Variants in NPAT observed in about 807,000 individuals in gnomAD.
NPAT encodes protein NPAT.
NPAT carries 52 observed loss-of-function variants against 130.7 expected under a neutral mutation model. The observed-to-expected ratio is 0.40, with a 90% confidence interval of 0.32 to 0.50. The LOEUF is 0.50. Ranked by LOEUF, NPAT falls within the 20% of genes least tolerant of loss-of-function variation. The pLI is 0.68. For missense variants in NPAT, 1,687 were observed against 1,662.6 expected, an observed-to-expected ratio of 1.01 and a Z score of -0.26; for synonymous variants, 580 against 584.8, an observed-to-expected ratio of 0.99 and a Z score of 0.12.
chr11:108,158,554 T>C lies in NPAT; in HGVS notation c.*388A>G. On this transcript the variant is annotated 3_prime_UTR_variant, in exon 18 of 18. Transcript: ENST00000278612. ...AAGCATCATTTTCCTCCAAAACAAGTGAGAAACTATTCCAGATGAGTAAGT... is the reference window on the plus strand; with the variant it reads ...AAGCATCATTTTCCTCCAAAACAAGCGAGAAACTATTCCAGATGAGTAAGT... The C allele has an allele frequency of 6.0e-6, 1 of 165,706 alleles. No individual in the cohort carries two copies. Among genetic ancestry groups the C allele is most frequent in the South Asian group, 1.6e-4 (1 of 6,228 alleles). The allele number at this position is 165,706 out of a possible 1,614,324, so 10.3% of individuals were successfully genotyped here. A position where few individuals can be genotyped will look rare whatever the true frequency, so the allele number is the denominator to read the frequency against.
chr11:108,182,166 G>T (rs1164957527), intron 10 of NPAT, among the ~76,000 whole-genome samples: 3 of 152,190 alleles, frequency 2.0e-5, no homozygotes, highest in Admixed American at 2.0e-4. Context: ...TTAAAGGGCA[G>T]CACTACCAGG....
intron 5 of NPAT, among the ~76,000 whole-genome samples, chr11:108,189,958 G>A (rs1484829564): frequency 6.6e-6 from 1 of 151,704 alleles, no homozygotes; most frequent in East Asian, 1.9e-4. Flanking sequence ...AATGTAGGGA[G>A]TATTTACAAA....
intron 1 of NPAT, among the ~76,000 whole-genome samples, chr11:108,217,877 C>T (rs1261457341): frequency 1.3e-5 from 2 of 152,100 alleles, no homozygotes; most frequent in African/African-American, 4.8e-5. Flanking sequence ...CCTGTAATCC[C>T]AGCTACTTCA....
At chr11:108,197,242 G>C in intron 2 of NPAT, 60 bp downstream of exon 2, 8 of 1,159,316 alleles carry the variant, frequency 6.9e-6, no homozygotes, top group Non-Finnish European at 1.0e-5. Context: ...CTGATTTTAT[G>C]ACTATGTTTT....
rs2078233303 is a variant in NPAT at position 108,197,380 on chromosome 11, A to T, written c.78T>A (p.Thr26=). 2 of 1,613,178 alleles carry T rather than the reference A, an allele frequency of 1.2e-6. No homozygotes were observed. The highest frequency in any genetic ancestry group is 1.3e-5 in the African/African-American group (1 of 74,914). Residue 26 remains threonine, a synonymous_variant, in exon 2 of 18, where the codon ACT becomes ACA. Transcript: ENST00000278612. ...TTAAATCTGAACTTTCCAAAATAAA[A>T]GTCTGGCAGGTAGAAATGAGGTTTT... ...QQENLISTCQ[T]FILESSDLKE...
chr11:108,218,358 G>T (rs1164393366), intron 1 of NPAT, among the ~76,000 whole-genome samples: 1 of 152,090 alleles, frequency 6.6e-6, no homozygotes, highest in Non-Finnish European at 1.5e-5. Context: ...TGTAGAGAGG[G>T]AAAGATAAAA....
chr11:108,209,028 C>A (rs1169990464), intron 1 of NPAT, among the ~76,000 whole-genome samples: 2 of 152,124 alleles, frequency 1.3e-5, no homozygotes, highest in East Asian at 3.9e-4. Flanking sequence ...GCCTGTAATC[C>A]CAGCACGTTG....
Position 108,194,944 on chromosome 11 carries a change from C to T in NPAT, c.157-927G>A, listed in dbSNP as rs188428658. ...GTTCAAGCGATTCTCCTGTCTCAGC[C>T]TCCCGAGTAGCTGGGACTACAGGCG... On this transcript the variant is annotated intron_variant, in intron 2 of 17. Coordinates refer to ENST00000278612, the MANE Select transcript of NPAT (RefSeq NM_002519.3). 2.6e-3 allele frequency among the ~76,000 whole-genome samples: 403 copies of T among 152,298 alleles called. 3 individuals are homozygous for T. Among genetic ancestry groups the T allele is most frequent in the African/African-American group, 9.4e-3 (390 of 41,572 alleles).
At chr11:108,218,267 A>G (rs2078452255) in intron 1 of NPAT, among the ~76,000 whole-genome samples, 1 of 152,198 alleles carries the variant, frequency 6.6e-6, no homozygotes, top group Non-Finnish European at 1.5e-5. Context: ...TGAGTAACTA[A>G]ATGAATTGAA....
chr11:108,206,160 T>C (rs1026849819), intron 1 of NPAT, among the ~76,000 whole-genome samples: 2 of 152,242 alleles, frequency 1.3e-5, no homozygotes, highest in Non-Finnish European at 2.9e-5. Flanking sequence ...GGGCATATAA[T>C]GTATGAAGGT....
chr11:108,183,161 T>A lies in NPAT; in HGVS notation c.906+2071A>T, dbSNP rs182591009. ...ACACCTGGCTAATTAAAAAAAAAAT[T>A]TTTTTTGTATAGATGAGGTCTCATT... On this transcript the variant is annotated intron_variant, in intron 10 of 17. Coordinates refer to ENST00000278612, the MANE Select transcript of NPAT (RefSeq NM_002519.3). Among the ~76,000 whole-genome samples the A allele has an allele frequency of 5.8e-4, 88 of 151,386 alleles. 1 individual carries two copies. In the East Asian group the frequency reaches 0.013, roughly 22 times the overall value.
At chr11:108,160,533 C>T (rs564852874) in intron 17 of NPAT, among the ~76,000 whole-genome samples, 1 of 151,512 alleles carries the variant, frequency 6.6e-6, no homozygotes, top group South Asian at 2.1e-4. Flanking sequence ...CATGAAAAAA[C>T]TTGAGTTCTA....
At chr11:108,222,152 G>A (rs1428382207) in intron 1 of NPAT, among the ~76,000 whole-genome samples, 1 of 152,158 alleles carries the variant, frequency 6.6e-6, no homozygotes, top group East Asian at 1.9e-4. Flanking sequence ...TTGCGCCCAA[G>A]GTTGAAGCAC....
chr11:108,179,903 A>C (rs2078043775), intron 10 of NPAT, among the ~76,000 whole-genome samples: 1 of 152,230 alleles, frequency 6.6e-6, no homozygotes, highest in South Asian at 2.1e-4. Context: ...CAAAAGCAAA[A>C]ATAGACAAAT....
Position 108,159,036 on chromosome 11 carries a change from A to G in NPAT, c.4207-17T>C, listed in dbSNP as rs1195989898. The G allele has an allele frequency of 3.8e-6, 6 of 1,568,330 alleles. No individual in the cohort carries two copies. Among genetic ancestry groups the G allele is most frequent in the Non-Finnish European group, 5.2e-6 (6 of 1,146,180 alleles). On this transcript the variant is annotated splice_polypyrimidine_tract_variant and intron_variant, in intron 17 of 17. Coordinates refer to ENST00000278612, the MANE Select transcript of NPAT (RefSeq NM_002519.3). ...CTTCTTTTTCTGTTGAAAAAGAGAA[A>G]GAAAAAATAAACTCAAAACAAGGCC...
At chr11:108,195,058 G>C (rs890117301) in intron 2 of NPAT, among the ~76,000 whole-genome samples, 1 of 151,992 alleles carries the variant, frequency 6.6e-6, no homozygotes, top group African/African-American at 2.4e-5. Flanking sequence ...TCTTGACCTC[G>C]CTATCCACTC....
intron 2 of NPAT, among the ~76,000 whole-genome samples, chr11:108,195,189 C>T (rs1236257278): frequency 1.3e-5 from 2 of 152,138 alleles, no homozygotes; most frequent in Non-Finnish European, 2.9e-5. Flanking sequence ...ACAAGTTTTC[C>T]AATTGATTTG....
rs552739941 is a variant in NPAT at position 108,209,499 on chromosome 11, C to T, written c.38-12079G>A. ...TTCAGGAGTTCAAGGCTGTAGTGAA[C>T]TATGATCGCGCCACTGCACTCTAGC... On this transcript the variant is annotated intron_variant, in intron 1 of 17. Coordinates refer to ENST00000278612, the MANE Select transcript of NPAT (RefSeq NM_002519.3). Among the ~76,000 whole-genome samples, 7 of 152,212 alleles carry T rather than the reference C, an allele frequency of 4.6e-5. No individual in the cohort carries two copies. The East Asian group carries it at 1.4e-3, about 29-fold the overall frequency.
At chr11:108,214,358 A>G (rs998962862) in intron 1 of NPAT, among the ~76,000 whole-genome samples, 2 of 152,246 alleles carry the variant, frequency 1.3e-5, no homozygotes, top group African/African-American at 4.8e-5. Context: ...ACAAAAAGCG[A>G]AATATTCTAT....
Sources: gnomAD v4.1 joint callset for allele counts (sites outside exome capture counted in the v4.1 genomes callset) on GRCh38, gnomAD v4.1.1 for gene constraint, MANE v1.5 for transcripts, NCBI Gene and HGNC (gene_info 2026-07-23, HGNC 2026-07-21) for gene names.